The following SLCO4C1 variants were observed in gnomAD, a reference collection of about 807,000 sequenced individuals.
SLCO4C1 encodes solute carrier organic anion transporter family member 4C1, also known as organic anion transporter M1.
A neutral mutation model predicts 72.1 loss-of-function variants in SLCO4C1; 58 were observed. The ratio of observed to expected loss-of-function variants is 0.80; its 90% CI spans 0.65 to 1.00. SLCO4C1 has a LOEUF of 1.00. Among genes scored for constraint, SLCO4C1 ranks in the 50% least tolerant of loss-of-function variants. The pLI, the probability that SLCO4C1 is intolerant of heterozygous loss-of-function variation, is 0.00. For synonymous variants in SLCO4C1, 297 were observed against 312.5 expected, an observed-to-expected ratio of 0.95 and a Z score of 0.52; for missense variants, 898 against 857.9, an observed-to-expected ratio of 1.05 and a Z score of -0.58.
chr5:102,290,113 A>G (rs1279743033), intron 2 of SLCO4C1, among the ~76,000 whole-genome samples: 1 of 152,206 alleles, frequency 6.6e-6, no homozygotes, highest in Non-Finnish European at 1.5e-5. Context: ...GCTTCTAGTG[A>G]GGGCCTCTAG....
At position 102,263,688 on chromosome 5, in the gene SLCO4C1, C is replaced by T. The variant is rs1748983031; in HGVS notation, c.895G>A (p.Glu299Lys). The T allele has an allele frequency of 1.9e-6, 3 of 1,609,662 alleles. No individual in the cohort carries two copies. Among genetic ancestry groups the T allele is most frequent in the Non-Finnish European group, 1.7e-6 (2 of 1,177,898 alleles). Residue 299 changes from glutamate (E) to lysine (K), a missense_variant, in exon 4 of 13, where the codon GAA (glutamate) becomes AAA (lysine). Physicochemically the swap from Glu to Lys is moderately conservative, Grantham distance 56. Transcript: ENST00000310954. ...GAAAAATAGATACTGCCTTGCCTTTCTCCCATAGCAACATCAATGTATATG... is the reference window on the plus strand; with the variant it reads ...GAAAAATAGATACTGCCTTGCCTTTTTCCCATAGCAACATCAATGTATATG... ...LTIYIDVAMG[E>K]STDVTEDDPR...
At chr5:102,267,666 T>C (rs983447951) in intron 3 of SLCO4C1, among the ~76,000 whole-genome samples, 5 of 151,832 alleles carry the variant, frequency 3.3e-5, no homozygotes, top group Admixed American at 3.3e-4. Flanking sequence ...TTTGGGTTTG[T>C]TTGTTCTTGC....
At chr5:102,275,714 A>C (rs1326243334) in intron 2 of SLCO4C1, among the ~76,000 whole-genome samples, 1 of 152,230 alleles carries the variant, frequency 6.6e-6, no homozygotes, top group African/African-American at 2.4e-5. Context: ...GTGCTTCGTA[A>C]ATCTTCTTGG....
At chr5:102,263,572 A>G (rs144245884) in intron 4 of SLCO4C1, 112 bp downstream of exon 4, 1 of 786,262 alleles carries the variant, frequency 1.3e-6, no homozygotes, top group African/African-American at 1.8e-5. Context: ...TTGTTTCCTG[A>G]ATAATTCCTC....
rs1465201685 is a variant in SLCO4C1 at position 102,258,099 on chromosome 5, A to G, written c.1129-12T>C. ...TTCTTCATCAAATTCTAAAGAAAAA[A>G]ATACAGTTCCTCAAATGAATAGCTA... On this transcript the variant is annotated splice_polypyrimidine_tract_variant and intron_variant, in intron 6 of 12. Transcript: ENST00000310954. 6.5e-7 allele frequency: 1 copy of G among 1,533,630 alleles called. No individual in the cohort carries two copies. The highest frequency in any genetic ancestry group is 1.4e-5 in the African/African-American group (1 of 70,502).
chr5:102,249,603 G>A, intron 9 of SLCO4C1, 35 bp downstream of exon 9: 1 of 1,610,350 alleles, frequency 6.2e-7, no homozygotes, highest in South Asian at 1.1e-5. Context: ...CAAACATATT[G>A]CCTCATTAAG....
intron 8 of SLCO4C1, among the ~76,000 whole-genome samples, chr5:102,255,867 CAAG>C (rs764522581): frequency 7.2e-4 from 110 of 152,104 alleles, no homozygotes; most frequent in Non-Finnish European, 7.6e-4. Context: ...GGTATTTTGC[CAAG>C]AAGATCTGCC....
intron 2 of SLCO4C1, among the ~76,000 whole-genome samples, 180 bp from the exon 3 acceptor site, chr5:102,270,986 C>A (rs1749142814): frequency 6.6e-6 from 1 of 152,088 alleles, no homozygotes; most frequent in Non-Finnish European, 1.5e-5. Context: ...CCCCAGCCTG[C>A]CCTCACTTTA....
chr5:102,260,925 G>T (rs1748930200), intron 5 of SLCO4C1, among the ~76,000 whole-genome samples: 1 of 152,094 alleles, frequency 6.6e-6, no homozygotes, highest in Non-Finnish European at 1.5e-5. Flanking sequence ...CAGTCTGTCA[G>T]ATTGTCTCTT....
At chr5:102,265,046 T>C (rs1749011459) in intron 3 of SLCO4C1, among the ~76,000 whole-genome samples, 1 of 152,070 alleles carries the variant, frequency 6.6e-6, no homozygotes, top group African/African-American at 2.4e-5. Context: ...TTAGCTTGAT[T>C]CCATCTCTTA....
chr5:102,240,587 G>T, intron 11 of SLCO4C1, 131 bp downstream of exon 11: 1 of 677,958 alleles, frequency 1.5e-6, no homozygotes, highest in Non-Finnish European at 2.6e-6. Context: ...TTGGAAAATG[G>T]CTTCCTTCAA....
intron 2 of SLCO4C1, among the ~76,000 whole-genome samples, chr5:102,282,899 A>T (rs1749383759): frequency 6.6e-6 from 1 of 151,962 alleles, no homozygotes; most frequent in Admixed American, 6.6e-5. Flanking sequence ...TTCTTTCTTT[A>T]TTCCATTTTT....
chr5:102,236,919 T>C lies in SLCO4C1; in HGVS notation c.2114A>G (p.Asn705Ser). 6.2e-7 allele frequency: 1 copy of C among 1,613,148 alleles called. No homozygotes were observed. Among genetic ancestry groups the C allele is most frequent in the Non-Finnish European group, 8.5e-7 (1 of 1,179,736 alleles). Reference sequence around the variant, plus strand: ...TGCTAAAACATTAGTCACAACTGCATTCTCTTTATGAAATGACACATCTGT... The same window carrying C: ...TGCTAAAACATTAGTCACAACTGCACTCTCTTTATGAAATGACACATCTGT... ...SATDVSFHKE[N>S]AVVTNVLAEQ... The change falls in exon 13 of 13, where the codon AAT (asparagine) becomes AGT (serine). Residue 705 changes from asparagine to serine, a missense_variant. Transcript: ENST00000310954.
chr5:102,260,792 T>G (rs914325946), intron 5 of SLCO4C1, among the ~76,000 whole-genome samples: 2 of 152,152 alleles, frequency 1.3e-5, no homozygotes, highest in African/African-American at 4.8e-5. Flanking sequence ...ATATTTGCCA[T>G]CTTATTACCA....
At chr5:102,259,522 G>C (rs1444898332) in intron 6 of SLCO4C1, among the ~76,000 whole-genome samples, 1 of 151,988 alleles carries the variant, frequency 6.6e-6, no homozygotes, top group Non-Finnish European at 1.5e-5. Context: ...GCTTTTATTT[G>C]ACAAGAAACC....
chr5:102,255,309 G>T (rs1748814434), intron 8 of SLCO4C1, among the ~76,000 whole-genome samples: 1 of 152,054 alleles, frequency 6.6e-6, no homozygotes, highest in Non-Finnish European at 1.5e-5. Context: ...AGCACACCTG[G>T]TAGTAACTAT....
chr5:102,265,748 C>G (rs1158967439), intron 3 of SLCO4C1, among the ~76,000 whole-genome samples: 3 of 152,054 alleles, frequency 2.0e-5, no homozygotes, highest in Admixed American at 1.3e-4. Flanking sequence ...TAGTGTGATG[C>G]TTTCGGTTTT....
intron 2 of SLCO4C1, among the ~76,000 whole-genome samples, chr5:102,280,090 C>CAA (rs36217271): frequency 1.9e-4 from 13 of 68,842 alleles, no homozygotes; most frequent in East Asian, 6.3e-4. Flanking sequence ...TGCAATAAGG[C>CAA]AAAAAAAAAA....
chr5:102,249,329 G>A (rs1199127407), intron 9 of SLCO4C1, among the ~76,000 whole-genome samples: 1 of 152,090 alleles, frequency 6.6e-6, no homozygotes, highest in Non-Finnish European at 1.5e-5. Context: ...ATATGCAGGG[G>A]TCCGGGAACC....
Sources: gnomAD v4.1 joint callset for allele counts (sites outside exome capture counted in the v4.1 genomes callset) on GRCh38, gnomAD v4.1.1 for gene constraint, MANE v1.5 for transcripts, NCBI Gene and HGNC (gene_info 2026-07-23, HGNC 2026-07-21) for gene names.